TMEM260: variants seen among roughly 807,000 people sequenced by gnomAD.
TMEM260 encodes transmembrane protein 260.
Under a neutral mutation model 88.9 loss-of-function variants are expected in TMEM260, and 82 were observed. That is an observed-to-expected ratio of 0.92 (90% confidence interval 0.77 to 1.11). The LOEUF (loss-of-function observed/expected upper bound fraction) is 1.11, where lower values mean the gene tolerates loss of function less well. TMEM260 is among the 50% of genes least tolerant of loss of function. The probability of loss-of-function intolerance (pLI) is 0.00; values close to 1 mark genes in which losing one functional copy is unlikely to be tolerated. For missense variants in TMEM260, 902 were observed against 853.4 expected (o/e 1.06, Z -0.71); for synonymous variants, 314 against 309.3 (o/e 1.02, Z -0.16).
At chr14:56,613,819 G>A (rs1301900797) in intron 7 of TMEM260, 1 of 151,754 alleles carries the variant, frequency 6.6e-6, no homozygotes, top group African/African-American at 2.4e-5. Flanking sequence ...CAGCACTTTG[G>A]GAAGCCAAAG....
intron 15 of TMEM260, among the ~76,000 whole-genome samples, chr14:56,639,248 G>C (rs567849622): frequency 7.2e-6 from 1 of 138,810 alleles, no homozygotes; most frequent in African/African-American, 2.9e-5. Flanking sequence ...GGTAACTACA[G>C]CCAACCAGGG....
chr14:56,632,079 G>A (rs968849602), intron 12 of TMEM260, among the ~76,000 whole-genome samples: 1 of 152,162 alleles, frequency 6.6e-6, no homozygotes, highest in African/African-American at 2.4e-5. Flanking sequence ...TACGAACTCT[G>A]TTTAGGGTCA....
intron 1 of TMEM260, among the ~76,000 whole-genome samples, chr14:56,582,865 G>A (rs1885228225): frequency 6.6e-6 from 1 of 152,096 alleles, no homozygotes; most frequent in South Asian, 2.1e-4. Context: ...CGTTGAATGG[G>A]GACATCTTTT....
chr14:56,580,224 C>T, intron 1 of TMEM260, 150 bp downstream of exon 1: 1 of 606,756 alleles, frequency 1.6e-6, no homozygotes, highest in Non-Finnish European at 2.4e-6. Context: ...TTGTGTGTTC[C>T]AGAGCCCACT....
At chr14:56,587,670 T>G (rs1345111598) in intron 3 of TMEM260, among the ~76,000 whole-genome samples, 2 of 152,186 alleles carry the variant, frequency 1.3e-5, no homozygotes, top group Admixed American at 6.5e-5. Flanking sequence ...TTGGAAAAGT[T>G]GCTTTCTTTC....
intron 12 of TMEM260, among the ~76,000 whole-genome samples, chr14:56,630,429 T>C (rs1236894109): frequency 6.6e-6 from 1 of 151,608 alleles, no homozygotes; most frequent in Non-Finnish European, 1.5e-5. Flanking sequence ...CCTGAACTCT[T>C]TGCTTTTTTT....
chr14:56,591,105 A>G (rs1267448259), intron 3 of TMEM260, among the ~76,000 whole-genome samples: 1 of 152,226 alleles, frequency 6.6e-6, no homozygotes, highest in Non-Finnish European at 1.5e-5. Context: ...AGTTTCCTCA[A>G]TTACAAAAAC....
intron 14 of TMEM260, among the ~76,000 whole-genome samples, 164 bp from the exon 15 acceptor site, chr14:56,636,344 G>C (rs1294762771): frequency 1.3e-5 from 2 of 152,124 alleles, no homozygotes; most frequent in East Asian, 3.8e-4. Flanking sequence ...TGGAGGGATT[G>C]TTGTTGGTTC....
intron 3 of TMEM260, among the ~76,000 whole-genome samples, chr14:56,589,722 A>G (rs1275338335): frequency 6.6e-6 from 1 of 152,132 alleles, no homozygotes; most frequent in Non-Finnish European, 1.5e-5. Flanking sequence ...TATTTAACTC[A>G]TGGATTTTGT....
chr14:56,657,253 G>A, the TMEM260 span, among the ~76,000 whole-genome samples: 1 of 152,122 alleles, frequency 6.6e-6, no homozygotes, highest in Admixed American at 6.6e-5. Flanking sequence ...GCTGGGATGA[G>A]TGGAGTGGCC....
chr14:56,618,536 G>C, intron 9 of TMEM260, 58 bp from the exon 10 acceptor site: 1 of 1,503,402 alleles, frequency 6.7e-7, no homozygotes, highest in African/African-American at 1.4e-5. Context: ...TATATGAGGA[G>C]CTGATTGATA....
At chr14:56,596,425 T>TACACACAC in intron 3 of TMEM260, among the ~76,000 whole-genome samples, 1 of 135,640 alleles carries the variant, frequency 7.4e-6, no homozygotes, top group African/African-American at 2.9e-5. Flanking sequence ...TATATATATA[T>TACACACAC]ACATACACAC....
intron 12 of TMEM260, among the ~76,000 whole-genome samples, chr14:56,625,937 TA>T: frequency 6.6e-6 from 1 of 152,340 alleles, no homozygotes; most frequent in South Asian, 2.1e-4. Context: ...AGAATTTTTA[TA>T]AAGGATAAGA....
chr14:56,599,904 T>G (rs1886466172), intron 3 of TMEM260, among the ~76,000 whole-genome samples: 1 of 152,232 alleles, frequency 6.6e-6, no homozygotes, highest in African/African-American at 2.4e-5. Context: ...TCATCCTCTT[T>G]GCAAAAATCC....
At chr14:56,610,027 A>G (rs1055135907) in intron 6 of TMEM260, among the ~76,000 whole-genome samples, 1 of 152,170 alleles carries the variant, frequency 6.6e-6, no homozygotes, top group Non-Finnish European at 1.5e-5. Flanking sequence ...ACAAAACTCT[A>G]AACCATGAGA....
In TMEM260 at chr14:56,647,260, C is replaced by CT; in HGVS notation, c.1888dup (p.Tyr630LeufsTer19). The CT allele has an allele frequency of 6.2e-7, 1 of 1,612,816 alleles. No individual in the cohort carries two copies. The highest frequency in any genetic ancestry group is 8.5e-7 in the Non-Finnish European group (1 of 1,179,548). On this transcript the variant is annotated frameshift_variant, in exon 16 of 16. Transcript: ENST00000261556. LOFTEE classifies it high-confidence loss of function. ...TTTTCTAGCTTTATAAGGAGATTGT[C>CT]TATTTACAAAAGGAGCACCCAGTGA...
intron 3 of TMEM260, among the ~76,000 whole-genome samples, chr14:56,598,296 G>A (rs549495257): frequency 2.6e-5 from 4 of 152,130 alleles, no homozygotes; most frequent in South Asian, 2.1e-4. Flanking sequence ...GGGGATATGC[G>A]GTCCCAGACA....
At chr14:56,629,045 GCCACC>G (rs1431638691) in intron 12 of TMEM260, among the ~76,000 whole-genome samples, 1 of 151,692 alleles carries the variant, frequency 6.6e-6, no homozygotes, top group African/African-American at 2.4e-5. Flanking sequence ...ACAGGCATGT[GCCACC>G]AAGCCCAGCT....
At position 56,622,341 on chromosome 14, in the gene TMEM260, T is replaced by C. The variant is rs12587440; in HGVS notation, c.1398+639T>C. 1.0e-4 allele frequency among the ~76,000 whole-genome samples: 3 copies of C among 29,166 alleles called. No individual in the cohort carries two copies. The East Asian group carries it at 2.3e-3, about 22-fold the overall frequency. The allele number at this position is 29,166 out of a possible 152,430, so 19.1% of individuals were successfully genotyped here. ...CTGGGCAACAGGGCGAGACTCCGTC[T>C]CAAAAAAAAAAAAAAAAAAAAAAAT... On this transcript the variant is annotated intron_variant, in intron 11 of 15. Transcript: ENST00000261556.
Sources: gnomAD v4.1 joint callset for allele counts (sites outside exome capture counted in the v4.1 genomes callset) on GRCh38, gnomAD v4.1.1 for gene constraint, MANE v1.5 for transcripts, NCBI Gene and HGNC (gene_info 2026-07-23, HGNC 2026-07-21) for gene names.